RAB39A: variants seen among roughly 807,000 people sequenced by gnomAD.
RAB39A encodes the protein ras-related protein Rab-39A.
RAB39A carries 17 observed loss-of-function variants against 20.9 expected under a neutral mutation model. The observed-to-expected ratio is 0.81, with a 90% CI of 0.56 to 1.22. The LOEUF is 1.22. Among genes scored for constraint, RAB39A ranks in the 50% most tolerant of loss-of-function variants. The probability of loss-of-function intolerance (pLI) is 0.00; values close to 1 mark genes in which losing one functional copy is unlikely to be tolerated. For missense variants in RAB39A, 234 were observed against 270.5 expected (o/e 0.87, Z 0.95); for synonymous variants, 99 against 103.4 (o/e 0.96, Z 0.26).
chr11:107,944,005 G>A (rs1861284779), intron 1 of RAB39A, among the ~76,000 whole-genome samples: 1 of 151,814 alleles, frequency 6.6e-6, no homozygotes, highest in African/African-American at 2.4e-5. Context: ...TGAGGCAGGA[G>A]AATTGCTTGA....
rs1418375704 is a variant in RAB39A at position 107,928,695 on chromosome 11, C to T, written c.127C>T (p.Pro43Ser). The part of the protein sequence containing the change: ...FPGLRSPACD[P>S]TVGVDFFSRL... ...CGGGCTGCGCTCCCCCGCCTGCGAC[C>T]CCACCGTCGGCGTGGACTTCTTCTC... Residue 43 changes from proline to serine, a missense_variant, in exon 1 of 2, where the codon CCC (proline) becomes TCC (serine). Physicochemically the swap from Pro to Ser is moderately conservative, Grantham distance 74. Coordinates refer to ENST00000320578, the MANE Select transcript of RAB39A (RefSeq NM_017516.3). The surrounding 1 kb of genome is among the most constrained non-coding windows in gnomAD (Gnocchi z 4.9). The T allele has an allele frequency of 2.5e-6, 4 of 1,612,062 alleles. No individual in the cohort carries two copies. Among genetic ancestry groups the T allele is most frequent in the East Asian group, 2.2e-5 (1 of 44,766 alleles).
intron 1 of RAB39A, among the ~76,000 whole-genome samples, chr11:107,932,616 A>G (rs1861149488): frequency 6.6e-6 from 1 of 152,200 alleles, no homozygotes; most frequent in African/African-American, 2.4e-5. Context: ...TTACAAGGAG[A>G]CACTTAGACT....
At chr11:107,961,853 T>C in intron 1 of RAB39A, 93 bp from the exon 2 acceptor site, 1 of 975,958 alleles carries the variant, frequency 1.0e-6, no homozygotes, top group Non-Finnish European at 1.5e-6. Context: ...CATATTAAGA[T>C]ATCTTCAAAT....
chr11:107,944,250 T>C (rs1201592704), intron 1 of RAB39A, among the ~76,000 whole-genome samples: 2 of 152,078 alleles, frequency 1.3e-5, no homozygotes, highest in African/African-American at 2.4e-5. Flanking sequence ...GACTTCTTCA[T>C]GTAGATGAAT....
intron 1 of RAB39A, among the ~76,000 whole-genome samples, chr11:107,930,383 GA>G (rs1385235581): frequency 6.6e-6 from 1 of 152,114 alleles, no homozygotes; most frequent in Admixed American, 6.6e-5. Flanking sequence ...ATCTCAATCA[GA>G]GGTAAACTTT....
At chr11:107,942,876 A>G (rs1246499436) in intron 1 of RAB39A, among the ~76,000 whole-genome samples, 1 of 152,142 alleles carries the variant, frequency 6.6e-6, no homozygotes, top group African/African-American at 2.4e-5. Flanking sequence ...TGGTTTGCAT[A>G]CAACTCAACT....
intron 1 of RAB39A, among the ~76,000 whole-genome samples, chr11:107,935,609 C>G (rs1483683191): frequency 6.6e-6 from 1 of 152,134 alleles, no homozygotes; most frequent in Non-Finnish European, 1.5e-5. Flanking sequence ...CTCCTGACCT[C>G]AGGTGATTCA....
In RAB39A at chr11:107,949,978, C is replaced by A. The variant is rs191180934; in HGVS notation, c.228-11968C>A. On this transcript the variant is annotated intron_variant, in intron 1 of 1. Coordinates refer to ENST00000320578, the MANE Select transcript of RAB39A (RefSeq NM_017516.3). ...ACAAGGTGAGGAGATCGAGACCATC[C>A]TGGCTAACACAGTGAAACCCTGCCT... Among the ~76,000 whole-genome samples the A allele has an allele frequency of 3.1e-3, 471 of 151,988 alleles. 6 individuals are homozygous for A. The highest frequency in any genetic ancestry group is 0.011 in the African/African-American group (448 of 41,444).
intron 1 of RAB39A, among the ~76,000 whole-genome samples, chr11:107,956,651 T>C (rs1467600469): frequency 1.3e-5 from 2 of 152,040 alleles, no homozygotes; most frequent in Non-Finnish European, 2.9e-5. Context: ...AAAGGAAGAG[T>C]TTCTCCTGTT....
intron 1 of RAB39A, among the ~76,000 whole-genome samples, chr11:107,955,158 G>A (rs1476053435): frequency 6.6e-6 from 1 of 151,476 alleles, no homozygotes; most frequent in Non-Finnish European, 1.5e-5. Context: ...CACCATGCCC[G>A]GCTAATTTTT....
chr11:107,932,443 T>C (rs1367332192), intron 1 of RAB39A, among the ~76,000 whole-genome samples: 1 of 152,224 alleles, frequency 6.6e-6, no homozygotes, highest in Non-Finnish European at 1.5e-5. Flanking sequence ...ATGCCTAGGA[T>C]GTTACCATCA....
intron 1 of RAB39A, among the ~76,000 whole-genome samples, chr11:107,950,973 A>G (rs1334421937): frequency 6.6e-6 from 1 of 152,178 alleles, no homozygotes; most frequent in East Asian, 1.9e-4. Flanking sequence ...TTATGAAAGA[A>G]AAATAAAAGC....
chr11:107,955,787 G>A (rs1035415564), intron 1 of RAB39A, among the ~76,000 whole-genome samples: 38 of 151,320 alleles, frequency 2.5e-4, no homozygotes, highest in African/African-American at 8.7e-4. Context: ...GTGGTGAGCC[G>A]AGATCACACC....
At chr11:107,941,909 G>A (rs904225126) in intron 1 of RAB39A, among the ~76,000 whole-genome samples, 6 of 151,980 alleles carry the variant, frequency 3.9e-5, no homozygotes, top group African/African-American at 1.2e-4. Context: ...GACCAGCCTG[G>A]CCAACATGGT....
chr11:107,942,026 G>C (rs1016918496), intron 1 of RAB39A, among the ~76,000 whole-genome samples: 1 of 150,992 alleles, frequency 6.6e-6, no homozygotes, highest in African/African-American at 2.4e-5. Flanking sequence ...TTAAACCTGG[G>C]AGAGGGAGGT....
chr11:107,962,336 G>A lies in RAB39A; in HGVS notation c.618G>A (p.Glu206=). The A allele has an allele frequency of 6.2e-7, 1 of 1,610,276 alleles. No homozygotes were observed. The highest frequency in any genetic ancestry group is 8.5e-7 in the Non-Finnish European group (1 of 1,177,090). Reference sequence around the variant, plus strand: ...TTCCAAATACTGTGCATTCTTCTGAGGAAGCAGTAAAGCCCAGGAAAGAAT... The same window carrying A: ...TTCCAAATACTGTGCATTCTTCTGAAGAAGCAGTAAAGCCCAGGAAAGAAT... ...GFVPNTVHSS[E]EAVKPRKECF... Residue 206 remains glutamate, a synonymous_variant, in exon 2 of 2, where the codon GAG becomes GAA. Transcript: ENST00000320578.
At chr11:107,929,913 TTAGTCAGCAAG>T (rs777263471) in intron 1 of RAB39A, among the ~76,000 whole-genome samples, 1 of 152,182 alleles carries the variant, frequency 6.6e-6, no homozygotes, top group Non-Finnish European at 1.5e-5. Context: ...GCATTTTGCG[TTAGTCAGCAAG>T]TACTCTGCTT....
chr11:107,946,265 C>T (rs1040598613), intron 1 of RAB39A, among the ~76,000 whole-genome samples: 1 of 144,736 alleles, frequency 6.9e-6, no homozygotes, highest in Admixed American at 6.9e-5. Flanking sequence ...TTAATTTTCT[C>T]TGAGAGATAA....
intron 1 of RAB39A, among the ~76,000 whole-genome samples, chr11:107,961,682 A>G (rs1015731696): frequency 2.1e-5 from 3 of 140,862 alleles, no homozygotes; most frequent in African/African-American, 9.7e-5. Flanking sequence ...ACAAATAATC[A>G]GACAGTATGA....
Sources: gnomAD v4.1 joint callset for allele counts (sites outside exome capture counted in the v4.1 genomes callset) on GRCh38, gnomAD v4.1.1 for gene constraint, Gnocchi (gnomAD v3.1) non-coding constraint, MANE v1.5 for transcripts, NCBI Gene and HGNC (gene_info 2026-07-23, HGNC 2026-07-21) for gene names.